AKAP6: variants seen among roughly 807,000 people sequenced by gnomAD.
The protein encoded by AKAP6 is A-kinase anchor protein 6.
Under a neutral mutation model 188.5 loss-of-function variants are expected in AKAP6, and 58 were observed. The observed-to-expected ratio is 0.31, with a 90% CI of 0.25 to 0.38. The LOEUF (loss-of-function observed/expected upper bound fraction) is 0.38. AKAP6 is among the 10% of genes least tolerant of loss of function. The pLI is 1.00. For synonymous variants in AKAP6, 989 were observed against 998.6 expected, an observed-to-expected ratio of 0.99 and a Z score of 0.18; for missense variants, 2,710 against 2,740.0, an observed-to-expected ratio of 0.99 and a Z score of 0.24.
chr14:32,535,054 C>T (rs2139114316), intron 2 of AKAP6, among the ~76,000 whole-genome samples: 1 of 150,776 alleles, frequency 6.6e-6, no homozygotes, highest in Non-Finnish European at 1.5e-5. Context: ...GTGACAATTG[C>T]CCCTTACATC....
At chr14:32,727,318 G>T (rs543931361) in intron 9 of AKAP6, among the ~76,000 whole-genome samples, 1 of 152,144 alleles carries the variant, frequency 6.6e-6, no homozygotes, top group South Asian at 2.1e-4. Flanking sequence ...GTGACTTCTA[G>T]TCTAGCTATA....
chr14:32,710,978 C>T (rs989864653), intron 9 of AKAP6, among the ~76,000 whole-genome samples: 2 of 152,034 alleles, frequency 1.3e-5, no homozygotes, highest in Non-Finnish European at 2.9e-5. Context: ...GTAGCATGAA[C>T]AGTGACCATG....
chr14:32,730,159 T>A (rs987682376), intron 9 of AKAP6, among the ~76,000 whole-genome samples: 7 of 152,162 alleles, frequency 4.6e-5, no homozygotes, highest in African/African-American at 1.7e-4. Flanking sequence ...TTAAAATAAA[T>A]ATTTTCACCT....
chr14:32,467,449 TAAA>T (rs1878526878), intron 2 of AKAP6, among the ~76,000 whole-genome samples: 1 of 152,052 alleles, frequency 6.6e-6, no homozygotes, highest in Non-Finnish European at 1.5e-5. Context: ...ATTTCCATAA[TAAA>T]AAGTTTTAAA....
intron 1 of AKAP6, among the ~76,000 whole-genome samples, chr14:32,408,987 G>A (rs1889387743): frequency 6.6e-6 from 1 of 152,166 alleles, no homozygotes; most frequent in African/African-American, 2.4e-5. Context: ...ATCACCTGAG[G>A]TCAGGAGTTT....
At position 32,751,106 on chromosome 14, in the gene AKAP6, GA is replaced by G. The variant is rs202196823; in HGVS notation, c.3372+15226del. On this transcript the variant is annotated intron_variant, in intron 11 of 13. Transcript: ENST00000280979. The stretch of plus-strand genomic sequence containing the variant: ...GGGTTGCTAAATAATTTTTTTTAAT[GA>G]ATAAAAATAAAAGTAATTCAGAATT... Among the ~76,000 whole-genome samples, 125 of 152,044 alleles carry G rather than the reference GA, an allele frequency of 8.2e-4. 1 individual carries two copies. In the East Asian group the frequency reaches 0.02, roughly 24 times the overall value.
intron 12 of AKAP6, among the ~76,000 whole-genome samples, chr14:32,815,665 C>T (rs2140128255): frequency 6.6e-6 from 1 of 152,308 alleles, no homozygotes. Flanking sequence ...AGTCAACCAA[C>T]CTCCAGTCTT....
intron 1 of AKAP6, among the ~76,000 whole-genome samples, chr14:32,400,579 A>AAAAAAAAAAAAAAAC (rs5807654): frequency 6.7e-6 from 1 of 150,328 alleles, no homozygotes; most frequent in Non-Finnish European, 1.5e-5. Flanking sequence ...AAAAAAAAAA[A>AAAAAAAAAAAAAAAC]GACAGTAAGC....
At chr14:32,470,515 A>G (rs1393366153) in intron 2 of AKAP6, among the ~76,000 whole-genome samples, 2 of 152,220 alleles carry the variant, frequency 1.3e-5, no homozygotes, top group Non-Finnish European at 2.9e-5. Flanking sequence ...CAACTGAACA[A>G]AGAAGGCACA....
chr14:32,818,226 T>C (rs993909355), intron 12 of AKAP6, among the ~76,000 whole-genome samples: 1 of 152,168 alleles, frequency 6.6e-6, no homozygotes, highest in Non-Finnish European at 1.5e-5. Context: ...AAGAGGTTTA[T>C]AAGAGCAGAG....
At chr14:32,781,960 C>A (rs551586544) in intron 12 of AKAP6, among the ~76,000 whole-genome samples, 1 of 151,900 alleles carries the variant, frequency 6.6e-6, no homozygotes, top group Non-Finnish European at 1.5e-5. Context: ...GCCAGGAGTT[C>A]GAGACCAGCC....
chr14:32,729,406 T>G (rs1270605861), intron 9 of AKAP6, among the ~76,000 whole-genome samples: 3 of 152,200 alleles, frequency 2.0e-5, no homozygotes, highest in Non-Finnish European at 1.5e-5. Flanking sequence ...GCTGGCTTTG[T>G]TTTATAATTC....
chr14:32,351,827 G>A (rs1353425686), intron 1 of AKAP6, among the ~76,000 whole-genome samples: 1 of 151,904 alleles, frequency 6.6e-6, no homozygotes, highest in East Asian at 1.9e-4. Context: ...CCTTTGCTCT[G>A]GCTCAGACAG....
At chr14:32,403,237 A>G (rs1889160246) in intron 1 of AKAP6, 1 of 152,174 alleles carries the variant, frequency 6.6e-6, no homozygotes, top group South Asian at 2.1e-4. Flanking sequence ...TCCTTTCCAA[A>G]TGAGGGGAAT....
rs199796921 is a variant in AKAP6, at chr14:32,697,791, A to C, written c.3000+1681A>C. On this transcript the variant is annotated intron_variant, in intron 9 of 13. Transcript: ENST00000280979. ...ACAATTAATAGGAAATCATTGAACA[A>C]AAATGCAGTCTTCTTTTTTCTTGCA... 5.3e-5 allele frequency among the ~76,000 whole-genome samples: 8 copies of C among 152,274 alleles called. No individual in the cohort carries two copies. The East Asian group carries it at 1.5e-3, about 29-fold the overall frequency.
chr14:32,462,961 T>A (rs2224431), intron 2 of AKAP6, among the ~76,000 whole-genome samples: 65,543 of 99,370 alleles, frequency 0.66, 22,525 homozygotes, highest in African/African-American at 0.9. Context: ...GATAAAACAG[T>A]CTTTAAGCCA....
At chr14:32,502,550 A>G (rs964724000) in intron 2 of AKAP6, among the ~76,000 whole-genome samples, 44 of 152,278 alleles carry the variant, frequency 2.9e-4, no homozygotes, top group African/African-American at 9.6e-4. Context: ...TTATACTCCA[A>G]TGCAGAGAGC....
At chr14:32,738,258 A>T (rs1283852541) in intron 11 of AKAP6, among the ~76,000 whole-genome samples, 2 of 152,128 alleles carry the variant, frequency 1.3e-5, no homozygotes, top group African/African-American at 4.8e-5. Flanking sequence ...AAAAGAAAAT[A>T]ATTACTTAAT....
chr14:32,341,496 C>T (rs578061164), intron 1 of AKAP6, among the ~76,000 whole-genome samples: 1 of 152,256 alleles, frequency 6.6e-6, no homozygotes, highest in Non-Finnish European at 1.5e-5. Context: ...GTGATGAGAG[C>T]CAGTCCCTAA....
Sources: gnomAD v4.1 joint callset for allele counts (sites outside exome capture counted in the v4.1 genomes callset) on GRCh38, gnomAD v4.1.1 for gene constraint, MANE v1.5 for transcripts, NCBI Gene and HGNC (gene_info 2026-07-23, HGNC 2026-07-21) for gene names.